POPDC1: variants seen among roughly 807,000 people sequenced by gnomAD.
POPDC1 encodes the protein popeye domain cAMP effector 1, also known as popeye domain-containing protein 1.
chr6:105,117,224 TA>T, the POPDC1 span, among the ~76,000 whole-genome samples: 1 of 152,166 alleles, frequency 6.6e-6, no homozygotes, highest in Non-Finnish European at 1.5e-5. Flanking sequence ...TTACACCCTG[TA>T]CATTACAATG....
At chr6:105,135,738 G>C in the POPDC1 span, among the ~76,000 whole-genome samples, 2 of 151,790 alleles carry the variant, frequency 1.3e-5, no homozygotes, top group Non-Finnish European at 1.5e-5. Flanking sequence ...GATATATATA[G>C]ATATATGTAT....
At chr6:105,112,698 T>C in the POPDC1 span, among the ~76,000 whole-genome samples, 1 of 152,160 alleles carries the variant, frequency 6.6e-6, no homozygotes, top group Non-Finnish European at 1.5e-5. Flanking sequence ...GAAAAGTAGG[T>C]GGGAGTTGAG....
chr6:105,115,721 T>C, the POPDC1 span: 1 of 1,614,140 alleles, frequency 6.2e-7, no homozygotes, highest in Non-Finnish European at 8.5e-7. Context: ...CCGAAGAAAC[T>C]GGTGCAAGCC....
chr6:105,136,618 G>C, the POPDC1 span: 1 of 152,542 alleles, frequency 6.6e-6, no homozygotes, highest in Non-Finnish European at 1.5e-5. Context: ...CGCAGAGCGC[G>C]GGAGCCGGCA....
chr6:105,123,462 G>T, the POPDC1 span, among the ~76,000 whole-genome samples: 1 of 151,998 alleles, frequency 6.6e-6, no homozygotes, highest in African/African-American at 2.4e-5. Flanking sequence ...GTGCAGTGGC[G>T]TGATCTTGGC....
the POPDC1 span, among the ~76,000 whole-genome samples, chr6:105,134,105 T>C: frequency 6.6e-6 from 1 of 152,100 alleles, no homozygotes; most frequent in Admixed American, 6.5e-5. Flanking sequence ...TTTAGAAGGC[T>C]CTATTTTTAT....
the POPDC1 span, among the ~76,000 whole-genome samples, chr6:105,134,300 A>G: frequency 6.6e-6 from 1 of 152,174 alleles, no homozygotes; most frequent in Non-Finnish European, 1.5e-5. Context: ...ATTTAAAAGT[A>G]GTAAACTTCC....
chr6:105,125,698 C>G, the POPDC1 span: 1 of 947,358 alleles, frequency 1.1e-6, no homozygotes, highest in South Asian at 1.6e-5. Context: ...CATCACCCTT[C>G]TGTATTTAGG....
the POPDC1 span, among the ~76,000 whole-genome samples, chr6:105,102,845 G>A: frequency 6.6e-6 from 1 of 152,222 alleles, no homozygotes; most frequent in African/African-American, 2.4e-5. Flanking sequence ...TGCAGGGCTA[G>A]ACTGTGGTAC....
At chr6:105,109,256 C>T in the POPDC1 span, among the ~76,000 whole-genome samples, 1 of 151,944 alleles carries the variant, frequency 6.6e-6, no homozygotes, top group Non-Finnish European at 1.5e-5. Context: ...CTGGGCCCAG[C>T]CCTTAATGTC....
At chr6:105,115,995 A>G in the POPDC1 span, among the ~76,000 whole-genome samples, 1 of 152,160 alleles carries the variant, frequency 6.6e-6, no homozygotes, top group Non-Finnish European at 1.5e-5. Flanking sequence ...ATTATTAGCT[A>G]TTACTATAAA....
chr6:105,107,409 T>TC, the POPDC1 span, among the ~76,000 whole-genome samples: 3 of 152,266 alleles, frequency 2.0e-5, no homozygotes, highest in Non-Finnish European at 4.4e-5. Context: ...TGAAGGCCTC[T>TC]CCTAGGAAGT....
chr6:105,109,638 TGAGGCGGGAGGACATCTTGAGCCTGG>T, the POPDC1 span, among the ~76,000 whole-genome samples: 21 of 151,518 alleles, frequency 1.4e-4, no homozygotes, highest in Admixed American at 2.6e-4. Context: ...CTCAGAAGGC[TGAGGCGGGAGGACATCTTGAGCCTGG>T]GAGGCGGGAG....
chr6:105,099,461 A>G, the POPDC1 span: 1 of 152,298 alleles, frequency 6.6e-6, no homozygotes, highest in Non-Finnish European at 1.5e-5. Flanking sequence ...CAGGAGACTG[A>G]CTCAAAGTTG....
At chr6:105,098,225 T>C in the POPDC1 span, 2 of 152,230 alleles carry the variant, frequency 1.3e-5, no homozygotes, top group Non-Finnish European at 2.9e-5. Context: ...TTCATTTGTA[T>C]AAATGAATTT....
At chr6:105,105,224 C>T in the POPDC1 span, among the ~76,000 whole-genome samples, 1 of 152,196 alleles carries the variant, frequency 6.6e-6, no homozygotes, top group African/African-American at 2.4e-5. Context: ...CCTTGTTGCT[C>T]TTTTTCCACC....
At chr6:105,132,954 G>A in the POPDC1 span, among the ~76,000 whole-genome samples, 97 of 152,242 alleles carry the variant, frequency 6.4e-4, no homozygotes, top group African/African-American at 2.3e-3. Flanking sequence ...AACTTTGGGA[G>A]GTGGTATTAT....
chr6:105,125,049 A>G, the POPDC1 span, among the ~76,000 whole-genome samples: 1 of 152,230 alleles, frequency 6.6e-6, no homozygotes, highest in African/African-American at 2.4e-5. Flanking sequence ...GTGATATTCA[A>G]GACAAATTAA....
chr6:105,116,800 C>T, the POPDC1 span: 1 of 1,612,492 alleles, frequency 6.2e-7, no homozygotes, highest in Non-Finnish European at 8.5e-7. Flanking sequence ...GTTCTGATTC[C>T]AGAAAGTATG....
Sources: gnomAD v4.1 joint callset for allele counts (sites outside exome capture counted in the v4.1 genomes callset) on GRCh38, gnomAD v4.1.1 for gene constraint, MANE v1.5 for transcripts, NCBI Gene and HGNC (gene_info 2026-07-23, HGNC 2026-07-21) for gene names.